Variants in EXD2 observed in about 807,000 individuals in gnomAD.
EXD2 encodes the protein exonuclease 3'-5' domain containing 2.
In EXD2, 40 loss-of-function variants were observed where a neutral mutation model predicts 62.5. The ratio of observed to expected loss-of-function variants is 0.64; its 90% CI spans 0.50 to 0.83. The LOEUF is 0.83. Ranked by LOEUF, EXD2 falls within the 40% of genes least tolerant of loss-of-function variation. EXD2 has a pLI of 0.00. For synonymous variants in EXD2, 239 were observed against 291.9 expected (o/e 0.82, Z 1.85); for missense variants, 671 against 761.8 (o/e 0.88, Z 1.40).
intron 2 of EXD2, among the ~76,000 whole-genome samples, chr14:69,205,506 A>G (rs928733466): frequency 6.6e-6 from 1 of 152,078 alleles, no homozygotes; most frequent in Non-Finnish European, 1.5e-5. Flanking sequence ...AATATTTTTC[A>G]TATCTAGAAT....
chr14:69,228,937 T>C lies in EXD2; in HGVS notation c.455T>C (p.Leu152Ser). ...GGAGGAAAAACACTACCAAGAACGT[T>C]ATTGGATATTTTGGCAGATGGCACC... ...ICGGKTLPRT[L>S]LDILADGTIL... The change falls in exon 4 of 10, where the codon TTA becomes TCA. Residue 152 changes from leucine to serine, a missense_variant. Coordinates refer to ENST00000685843, the MANE Select transcript of EXD2 (RefSeq NM_001193360.2). 6.2e-7 allele frequency: 1 copy of C among 1,614,136 alleles called. No homozygotes were observed. The highest frequency in any genetic ancestry group is 1.1e-5 in the South Asian group (1 of 91,076).
chr14:69,192,435 T>G (rs1223851172), intron 1 of EXD2, among the ~76,000 whole-genome samples: 1 of 152,144 alleles, frequency 6.6e-6, no homozygotes, highest in Admixed American at 6.5e-5. Flanking sequence ...AAAAATGTAT[T>G]TTTAAAATAT....
intron 3 of EXD2, among the ~76,000 whole-genome samples, chr14:69,227,770 G>T (rs2043412910): frequency 6.6e-6 from 1 of 152,054 alleles, no homozygotes; most frequent in Non-Finnish European, 1.5e-5. Context: ...GGAGGCGGAG[G>T]TTGCAGTGAG....
chr14:69,204,591 A>G (rs1230270319), intron 2 of EXD2, among the ~76,000 whole-genome samples: 3 of 152,140 alleles, frequency 2.0e-5, no homozygotes, highest in Non-Finnish European at 2.9e-5. Flanking sequence ...TAATTTATAT[A>G]AAAAACTTAA....
intron 4 of EXD2, 102 bp downstream of exon 4, chr14:69,229,174 A>G (rs2043479073): frequency 6.9e-6 from 10 of 1,452,890 alleles, no homozygotes; most frequent in Non-Finnish European, 6.5e-6. Flanking sequence ...GTGAAATTGT[A>G]TAGGAGCCTA....
rs567104322 is a variant in EXD2 at position 69,194,940 on chromosome 14, C to T, written c.-132+3349C>T. 3.3e-5 allele frequency among the ~76,000 whole-genome samples: 5 copies of T among 152,170 alleles called. No individual in the cohort carries two copies. The South Asian group carries it at 8.3e-4, about 25-fold the overall frequency. On this transcript the variant is annotated intron_variant, in intron 1 of 9. Coordinates refer to ENST00000685843, the MANE Select transcript of EXD2 (RefSeq NM_001193360.2). ...TTTTTTTCTTTTAAGAGATGGGAGCCGGGCGCGGTGGCTTACGCCTGTAAT... is the reference window on the plus strand; with the variant it reads ...TTTTTTTCTTTTAAGAGATGGGAGCTGGGCGCGGTGGCTTACGCCTGTAAT...
Position 69,209,792 on chromosome 14 carries a change from G to T in EXD2, c.322G>T (p.Asp108Tyr). Residue 108 changes from aspartate (D) to tyrosine (Y), a missense_variant, in exon 3 of 10, where the codon GAC becomes TAC. Physicochemically the swap from Asp to Tyr is radical, Grantham distance 160 (BLOSUM62 -3). Coordinates refer to ENST00000685843, the MANE Select transcript of EXD2 (RefSeq NM_001193360.2). The stretch of plus-strand genomic sequence containing the variant: ...AGAAGATTTTCCAGTACTTGGAATT[G>T]ACTGTGAGTGGGTAAGTTAAAAAGC... ...ELEDFPVLGI[D>Y]CEWVNLEGKA... 7.0e-7 allele frequency: 1 copy of T among 1,428,426 alleles called. No individual in the cohort carries two copies. The highest frequency in any genetic ancestry group is 9.3e-7 in the Non-Finnish European group (1 of 1,079,786). 88.5% of individuals were successfully genotyped at this position (1,428,426 alleles called of 1,614,324 possible).
At chr14:69,201,536 G>A (rs771424712) in intron 1 of EXD2, among the ~76,000 whole-genome samples, 3 of 151,926 alleles carry the variant, frequency 2.0e-5, no homozygotes, top group Non-Finnish European at 4.4e-5. Context: ...GGTGCTTCCT[G>A]CCCTTCCCAT....
chr14:69,230,349 C>A, intron 4 of EXD2, 123 bp from the exon 5 acceptor site: 2 of 571,864 alleles, frequency 3.5e-6, no homozygotes, highest in Non-Finnish European at 6.1e-6. Flanking sequence ...TTATCATTTT[C>A]TTCGATTTCT....
intron 3 of EXD2, among the ~76,000 whole-genome samples, chr14:69,213,537 ATTTTT>A (rs746653694): frequency 2.6e-5 from 2 of 76,538 alleles, no homozygotes; most frequent in East Asian, 5.5e-4. Flanking sequence ...CACCTGGATA[ATTTTT>A]TTTTTTTTTT....
At chr14:69,200,660 G>A (rs959860495) in intron 1 of EXD2, among the ~76,000 whole-genome samples, 18 of 151,616 alleles carry the variant, frequency 1.2e-4, no homozygotes, top group Non-Finnish European at 2.5e-4. Context: ...AGTGAGCCAA[G>A]ATCGCGCCAC....
intron 1 of EXD2, among the ~76,000 whole-genome samples, chr14:69,200,572 C>T (rs779406023): frequency 4.0e-5 from 6 of 151,580 alleles, no homozygotes; most frequent in Admixed American, 2.0e-4. Flanking sequence ...ACCCAGGCAT[C>T]GTGGGGACTA....
intron 1 of EXD2, among the ~76,000 whole-genome samples, chr14:69,200,776 A>G (rs1405054320): frequency 4.4e-4 from 66 of 151,432 alleles, no homozygotes; most frequent in Admixed American, 4.3e-3. Context: ...AGAAGTCACC[A>G]TAAAAATCAG....
At chr14:69,218,713 A>G (rs1185828678) in intron 3 of EXD2, among the ~76,000 whole-genome samples, 1 of 152,202 alleles carries the variant, frequency 6.6e-6, no homozygotes, top group Non-Finnish European at 1.5e-5. Flanking sequence ...ATCCAGTTTC[A>G]GCTTTCTAGA....
chr14:69,232,078 G>A (rs914887678), intron 5 of EXD2, among the ~76,000 whole-genome samples: 4 of 152,246 alleles, frequency 2.6e-5, no homozygotes, highest in African/African-American at 9.6e-5. Flanking sequence ...AACATTCAAT[G>A]TGTAATCTCT....
At chr14:69,235,269 G>A (rs79648957) in intron 6 of EXD2, among the ~76,000 whole-genome samples, 1 of 152,166 alleles carries the variant, frequency 6.6e-6, no homozygotes, top group Non-Finnish European at 1.5e-5. Flanking sequence ...GTGGAAATGA[G>A]GAAAGCTTAG....
rs2042804702 is a variant in EXD2, at chr14:69,211,536, A to C, written c.333+1733A>C. 3.3e-5 allele frequency among the ~76,000 whole-genome samples: 5 copies of C among 150,576 alleles called. No homozygotes were observed. The South Asian group carries it at 8.6e-4, about 26-fold the overall frequency. ...AGAGAACACCTGACAGTGTGGGGAA[A>C]TCTTTGTAGTCACAAAAGCCCTTAC... is the stretch of plus-strand genomic sequence containing the variant. On this transcript the variant is annotated intron_variant, in intron 3 of 9. Coordinates refer to ENST00000685843, the MANE Select transcript of EXD2 (RefSeq NM_001193360.2).
intron 1 of EXD2, among the ~76,000 whole-genome samples, chr14:69,198,550 C>T (rs2042285433): frequency 6.6e-6 from 1 of 152,176 alleles, no homozygotes; most frequent in Non-Finnish European, 1.5e-5. Flanking sequence ...TGTCCTGTAT[C>T]TACTCATTCC....
Position 69,228,928 on chromosome 14 carries a change from C to T in EXD2, c.446C>T (p.Pro149Leu). 2 of 1,614,152 alleles carry T rather than the reference C, an allele frequency of 1.2e-6. No homozygotes were observed. Among genetic ancestry groups the T allele is most frequent in the South Asian group, 1.1e-5 (1 of 91,078 alleles). ...PKLICGGKTL[P>L]RTLLDILADG... ...CTAATCTGTGGAGGAAAAACACTAC[C>T]AAGAACGTTATTGGATATTTTGGCA... The change falls in exon 4 of 10, where the codon CCA becomes CTA. Residue 149 changes from proline (P) to leucine (L), a missense_variant. Transcript: ENST00000685843.
Sources: gnomAD v4.1 joint callset for allele counts (sites outside exome capture counted in the v4.1 genomes callset) on GRCh38, gnomAD v4.1.1 for gene constraint, MANE v1.5 for transcripts, NCBI Gene and HGNC (gene_info 2026-07-23, HGNC 2026-07-21) for gene names.